SYT16: variants seen among roughly 807,000 people sequenced by gnomAD.
SYT16 encodes the protein synaptotagmin 16.
In SYT16, 42 loss-of-function variants were observed where a neutral mutation model predicts 61.4. The observed-to-expected ratio is 0.68, with a 90% CI of 0.53 to 0.89. SYT16 has a LOEUF of 0.89. Among genes scored for constraint, SYT16 ranks in the 40% least tolerant of loss-of-function variants. The pLI is 0.00. For synonymous variants in SYT16, 314 were observed against 302.3 expected, an observed-to-expected ratio of 1.04 and a Z score of -0.40; for missense variants, 804 against 807.3, an observed-to-expected ratio of 1.00 and a Z score of 0.05.
intron 2 of SYT16, among the ~76,000 whole-genome samples, chr14:61,976,143 T>C (rs1306144860): frequency 6.6e-6 from 1 of 152,198 alleles, no homozygotes; most frequent in African/African-American, 2.4e-5. Context: ...TTTGACTCCA[T>C]GTCTCGCATC....
chr14:61,845,042 T>TTTG, intron 1 of SYT16, among the ~76,000 whole-genome samples: 1 of 114,888 alleles, frequency 8.7e-6, no homozygotes, highest in Admixed American at 8.1e-5. Flanking sequence ...TAGAAGACTT[T>TTTG]TTTTTTTTTT....
chr14:61,875,699 G>A (rs953106038), intron 1 of SYT16, among the ~76,000 whole-genome samples: 1 of 152,176 alleles, frequency 6.6e-6, no homozygotes, highest in East Asian at 1.9e-4. Context: ...TTACTGCAGA[G>A]CACTAAAGGC....
intron 2 of SYT16, among the ~76,000 whole-genome samples, chr14:61,971,007 C>T (rs1363521279): frequency 2.0e-5 from 3 of 151,644 alleles, no homozygotes; most frequent in Non-Finnish European, 4.4e-5. Flanking sequence ...CATGATGTAC[C>T]TGGTCAAGGA....
chr14:61,949,441 C>A (rs1216076752), intron 1 of SYT16, among the ~76,000 whole-genome samples: 1 of 151,992 alleles, frequency 6.6e-6, no homozygotes, highest in Non-Finnish European at 1.5e-5. Flanking sequence ...ATATTTTTTT[C>A]TTTTCTTTTC....
Position 62,004,855 on chromosome 14 carries a change from C to T in SYT16, c.523+8313C>T, listed in dbSNP as rs1305949694. Among the ~76,000 whole-genome samples the T allele has an allele frequency of 7.9e-5, 12 of 152,238 alleles. No individual in the cohort carries two copies. The South Asian group carries it at 1.0e-3, about 13-fold the overall frequency. ...CCTCATGTGGTTTCCACTGACCCTG[C>T]GGTGTGGGTGGCCTCATTACCACTG... On this transcript the variant is annotated intron_variant, in intron 3 of 7. Coordinates refer to ENST00000683842, the MANE Select transcript of SYT16 (RefSeq NM_001367656.1).
chr14:61,894,353 C>G (rs1377267032), intron 1 of SYT16, among the ~76,000 whole-genome samples: 1 of 151,506 alleles, frequency 6.6e-6, no homozygotes, highest in African/African-American at 2.4e-5. Flanking sequence ...CCACCCCCTG[C>G]CCCCCAAATC....
chr14:61,946,316 C>A (rs1458668627), intron 1 of SYT16, among the ~76,000 whole-genome samples: 1 of 152,130 alleles, frequency 6.6e-6, no homozygotes, highest in African/African-American at 2.4e-5. Context: ...CATGTTCTCA[C>A]TTATAAGTGG....
At chr14:61,932,225 G>A (rs540311908) in intron 1 of SYT16, among the ~76,000 whole-genome samples, 159 of 152,236 alleles carry the variant, frequency 1.0e-3, no homozygotes, top group African/African-American at 3.5e-3. Context: ...GGTTGGCCTC[G>A]CCTTTCTGAC....
At chr14:62,031,607 C>T (rs1213725578) in intron 3 of SYT16, among the ~76,000 whole-genome samples, 6 of 152,064 alleles carry the variant, frequency 3.9e-5, no homozygotes, top group South Asian at 2.1e-4. Context: ...TCATTACTGT[C>T]GAGGAAACTG....
chr14:62,106,266 CT>C lies in SYT16; in HGVS notation c.*5560del, dbSNP rs1438942279. The C allele has an allele frequency of 6.6e-6, 1 of 152,164 alleles. No homozygotes were observed. The highest frequency in any genetic ancestry group is 1.5e-5 in the Non-Finnish European group (1 of 68,038). The allele number at this position is 152,164 out of a possible 1,614,324, so 9.4% of individuals were successfully genotyped here. On this transcript the variant is annotated 3_prime_UTR_variant, in exon 8 of 8. Transcript: ENST00000683842. ...TACAATGATGCTTACCAATATACAACTGTTAAGTTAGTCTAACTATGTGCCA... is the reference window on the plus strand; with the variant it reads ...TACAATGATGCTTACCAATATACAACGTTAAGTTAGTCTAACTATGTGCCA...
At chr14:61,840,870 ATATCT>A (rs1344198540) in intron 1 of SYT16, among the ~76,000 whole-genome samples, 2 of 152,226 alleles carry the variant, frequency 1.3e-5, no homozygotes, top group East Asian at 1.9e-4. Flanking sequence ...TTCCAATAAA[ATATCT>A]TATTTTAGAA....
intron 3 of SYT16, among the ~76,000 whole-genome samples, chr14:62,048,506 T>C (rs2140878367): frequency 6.6e-6 from 1 of 152,334 alleles, no homozygotes; most frequent in South Asian, 2.1e-4. Flanking sequence ...AGTTATTTCT[T>C]GCCTTCTGCT....
At chr14:62,097,638 T>G (rs1274739859) in intron 7 of SYT16, among the ~76,000 whole-genome samples, 1 of 152,240 alleles carries the variant, frequency 6.6e-6, no homozygotes, top group Non-Finnish European at 1.5e-5. Flanking sequence ...TCCTTCCTTT[T>G]GTCTGGTGTC....
chr14:62,028,371 A>T (rs2054180621), intron 3 of SYT16, among the ~76,000 whole-genome samples: 1 of 152,200 alleles, frequency 6.6e-6, no homozygotes, highest in Non-Finnish European at 1.5e-5. Context: ...AATCCTCCCA[A>T]CAATTCTGTA....
At chr14:62,021,000 G>A (rs142864146) in intron 3 of SYT16, among the ~76,000 whole-genome samples, 20 of 152,112 alleles carry the variant, frequency 1.3e-4, no homozygotes, top group East Asian at 1.9e-4. Flanking sequence ...TCTCTATGTC[G>A]GTGCCCTGCT....
intron 1 of SYT16, chr14:61,864,871 G>A (rs113875777): frequency 0.013 from 15,418 of 1,186,926 alleles, 148 homozygotes; most frequent in South Asian, 0.024. Flanking sequence ...AGCCACCCCC[G>A]GCGGAGACAG....
In SYT16 at chr14:62,043,117, C is replaced by A. The variant is rs1306227485; in HGVS notation, c.524-26486C>A. On this transcript the variant is annotated intron_variant, in intron 3 of 7. Transcript: ENST00000683842. ...GGTTTCTCTTTTTTTTTTTTTTTTACATAGAAAGTTCTATTTTTGAAATTT... is the reference window on the plus strand; with the variant it reads ...GGTTTCTCTTTTTTTTTTTTTTTTAAATAGAAAGTTCTATTTTTGAAATTT... Among the ~76,000 whole-genome samples, 18 of 126,048 alleles carry A rather than the reference C, an allele frequency of 1.4e-4. 1 individual carries two copies. The South Asian group carries it at 4.2e-3, about 29-fold the overall frequency. The allele number at this position is 126,048 out of a possible 152,430, so 82.7% of individuals were successfully genotyped here.
At chr14:61,991,519 C>T (rs531754392) in intron 2 of SYT16, among the ~76,000 whole-genome samples, 2 of 152,208 alleles carry the variant, frequency 1.3e-5, no homozygotes, top group African/African-American at 4.8e-5. Context: ...CCATGGTTAC[C>T]CTGCCAGTGC....
intron 1 of SYT16, among the ~76,000 whole-genome samples, chr14:61,820,469 G>GTTTT (rs71117856): frequency 0.023 from 1,395 of 61,098 alleles, 389 homozygotes; most frequent in East Asian, 0.043. Flanking sequence ...CCTCTTCAGA[G>GTTTT]TTTTTTTTTT....
Sources: allele counts gnomAD v4.1 joint callset (sites outside exome capture counted in the v4.1 genomes callset), GRCh38; gene constraint gnomAD v4.1.1; transcripts MANE v1.5; gene names NCBI Gene and HGNC (gene_info 2026-07-23, HGNC 2026-07-21).